AKT3: variants seen among roughly 807,000 people sequenced by gnomAD.
AKT3 encodes AKT serine/threonine kinase 3, also known as RAC-gamma serine/threonine-protein kinase.
AKT3 carries 15 observed loss-of-function variants against 65.3 expected under a neutral mutation model. That is an observed-to-expected ratio of 0.23 (90% confidence interval 0.15 to 0.35). The LOEUF is 0.35. Among genes scored for constraint, AKT3 ranks in the 10% least tolerant of loss-of-function variants. The pLI, the probability that AKT3 is intolerant of heterozygous loss-of-function variation, is 1.00. For synonymous variants in AKT3, 206 were observed against 183.8 expected, an observed-to-expected ratio of 1.12 and a Z score of -0.98; for missense variants, 243 against 576.5, an observed-to-expected ratio of 0.42 and a Z score of 5.92.
intron 13 of AKT3, among the ~76,000 whole-genome samples, chr1:243,506,680 G>A (rs1669692535): frequency 6.6e-6 from 1 of 152,240 alleles, no homozygotes; most frequent in African/African-American, 2.4e-5. Context: ...CGTATTAGGT[G>A]AGAACTGATC....
chr1:243,835,296 C>T (rs1400373491), intron 2 of AKT3, among the ~76,000 whole-genome samples: 1 of 152,062 alleles, frequency 6.6e-6, no homozygotes, highest in African/African-American at 2.4e-5. Context: ...CCTGGTTGTA[C>T]TTTAGAGAGT....
At chr1:243,573,270 T>C (rs1674695904) in intron 8 of AKT3, among the ~76,000 whole-genome samples, 1 of 152,136 alleles carries the variant, frequency 6.6e-6, no homozygotes, top group Non-Finnish European at 1.5e-5. Context: ...ACCAATCTTG[T>C]TTAAGGCATT....
intron 2 of AKT3, among the ~76,000 whole-genome samples, chr1:243,717,098 C>T (rs976510249): frequency 6.6e-6 from 1 of 152,224 alleles, no homozygotes; most frequent in Non-Finnish European, 1.5e-5. Context: ...TACCCACCAG[C>T]TCCTTAGCTC....
At chr1:243,684,389 T>C (rs547908224) in intron 3 of AKT3, among the ~76,000 whole-genome samples, 341 of 152,270 alleles carry the variant, frequency 2.2e-3, no homozygotes, top group Non-Finnish European at 2.6e-3. Flanking sequence ...CTCCCACTTA[T>C]GAATGAGAAC....
chr1:243,742,483 G>T (rs1317831531), intron 2 of AKT3, among the ~76,000 whole-genome samples: 1 of 152,022 alleles, frequency 6.6e-6, no homozygotes, highest in Non-Finnish European at 1.5e-5. Flanking sequence ...AAATTAGCCG[G>T]GCATGGTGCT....
chr1:243,637,530 T>A (rs749099952), intron 6 of AKT3, 81 bp downstream of exon 6: 44 of 1,249,020 alleles, frequency 3.5e-5, no homozygotes, highest in Admixed American at 1.8e-4. Flanking sequence ...TTTGCATACA[T>A]TAGCATGTAA....
intron 3 of AKT3, among the ~76,000 whole-genome samples, chr1:243,679,676 A>C (rs1273503290): frequency 6.6e-6 from 1 of 152,114 alleles, no homozygotes; most frequent in Non-Finnish European, 1.5e-5. Context: ...TAAAAACCTA[A>C]CATGAATTAA....
chr1:243,822,030 A>G (rs1309775010), intron 2 of AKT3, among the ~76,000 whole-genome samples: 1 of 152,228 alleles, frequency 6.6e-6, no homozygotes, highest in East Asian at 1.9e-4. Flanking sequence ...CGTAATTGGA[A>G]GTAAAACACT....
chr1:243,763,783 T>C (rs890715131), intron 2 of AKT3, among the ~76,000 whole-genome samples: 7 of 152,124 alleles, frequency 4.6e-5, no homozygotes, highest in African/African-American at 1.7e-4. Flanking sequence ...CAAAAGAAAG[T>C]TATTTGCTTA....
chr1:243,598,784 C>T (rs1558643457), intron 8 of AKT3, among the ~76,000 whole-genome samples: 2 of 152,220 alleles, frequency 1.3e-5, no homozygotes, highest in South Asian at 4.1e-4. Flanking sequence ...CATACTACAG[C>T]ACTCTGTTGC....
At chr1:243,512,495 A>G in intron 12 of AKT3, 69 bp from the exon 13 acceptor site, 1 of 939,900 alleles carries the variant, frequency 1.1e-6, no homozygotes, top group South Asian at 1.5e-5. Context: ...CTAGGAAAAA[A>G]GCAGAGAGCA....
intron 2 of AKT3, among the ~76,000 whole-genome samples, chr1:243,808,725 T>C (rs1692915745): frequency 6.6e-6 from 1 of 152,058 alleles, no homozygotes; most frequent in African/African-American, 2.4e-5. Context: ...AGACACATAA[T>C]TGTCAGATTC....
rs544250391 is a variant in AKT3, at chr1:243,825,987, C to T, written c.46+17138G>A. On this transcript the variant is annotated intron_variant, in intron 2 of 13. Transcript: ENST00000673466. ...TCTCTACTAAAAATACAAAAATTAG[C>T]CAGGTGTTGTAGCAGGTGCCTGTAA... is the stretch of plus-strand genomic sequence containing the variant. 3.1e-3 allele frequency among the ~76,000 whole-genome samples: 467 copies of T among 152,068 alleles called. 3 individuals carry two copies. The highest frequency in any genetic ancestry group is 0.011 in the African/African-American group (442 of 41,500).
At chr1:243,763,281 CTAAAG>C (rs1689606740) in intron 2 of AKT3, among the ~76,000 whole-genome samples, 1 of 152,038 alleles carries the variant, frequency 6.6e-6, no homozygotes. Context: ...ATACATCACA[CTAAAG>C]TAATTTTCCA....
At chr1:243,716,268 G>A (rs1321968100) in intron 2 of AKT3, among the ~76,000 whole-genome samples, 1 of 152,070 alleles carries the variant, frequency 6.6e-6, no homozygotes, top group Non-Finnish European at 1.5e-5. Context: ...ATCCTAGTGG[G>A]TCTGGTAAAC....
chr1:243,808,202 G>C (rs1314524368), intron 2 of AKT3: 1 of 152,218 alleles, frequency 6.6e-6, no homozygotes, highest in Non-Finnish European at 1.5e-5. Context: ...CGAGTTGAGA[G>C]CAGAAGGCTT....
chr1:243,840,010 G>A (rs1006726979), intron 2 of AKT3, among the ~76,000 whole-genome samples: 16 of 151,762 alleles, frequency 1.1e-4, no homozygotes, highest in Non-Finnish European at 2.2e-4. Context: ...GTGAAATCTC[G>A]TCTCTACTGA....
chr1:243,656,268 A>G (rs1681782969), intron 4 of AKT3, among the ~76,000 whole-genome samples: 1 of 152,154 alleles, frequency 6.6e-6, no homozygotes, highest in Admixed American at 6.5e-5. Context: ...TAATCTTTTA[A>G]AAGTACATAT....
chr1:243,751,034 G>A (rs969297793), intron 2 of AKT3, among the ~76,000 whole-genome samples: 19 of 151,894 alleles, frequency 1.3e-4, no homozygotes, highest in Non-Finnish European at 2.9e-5. Context: ...TTTGGAAAAA[G>A]ATTAATTTTC....
Sources: gnomAD v4.1 joint callset for allele counts (sites outside exome capture counted in the v4.1 genomes callset) on GRCh38, gnomAD v4.1.1 for gene constraint, MANE v1.5 for transcripts, NCBI Gene and HGNC (gene_info 2026-07-23, HGNC 2026-07-21) for gene names.